The following DDX43 variants were observed in gnomAD, a reference collection of about 807,000 sequenced individuals.
DDX43 encodes probable ATP-dependent RNA helicase DDX43.
Under a neutral mutation model 84.9 loss-of-function variants are expected in DDX43, and 50 were observed. That is an observed-to-expected ratio of 0.59 (90% CI 0.47 to 0.75). DDX43 has a LOEUF of 0.75. Among genes scored for constraint, DDX43 ranks in the 30% least tolerant of loss-of-function variants. DDX43 has a pLI of 0.00. For synonymous variants in DDX43, 291 were observed against 266.3 expected (o/e 1.09, Z -0.90); for missense variants, 689 against 798.6 (o/e 0.86, Z 1.65).
chr6:73,397,233 A>G (rs1243445474), intron 1 of DDX43, among the ~76,000 whole-genome samples: 3 of 152,164 alleles, frequency 2.0e-5, no homozygotes, highest in East Asian at 1.9e-4. Flanking sequence ...TGTTTTTGAT[A>G]ATGGTCATCC....
chr6:73,407,835 T>C, intron 8 of DDX43, 125 bp from the exon 9 acceptor site: 1 of 958,508 alleles, frequency 1.0e-6, no homozygotes, highest in Non-Finnish European at 1.6e-6. Flanking sequence ...TGTACATAAT[T>C]CTCAGAAAGG....
chr6:73,408,877 G>C (rs751448554), intron 9 of DDX43, among the ~76,000 whole-genome samples: 15 of 152,158 alleles, frequency 9.9e-5, no homozygotes, highest in Non-Finnish European at 2.2e-4. Flanking sequence ...TTTTATAATG[G>C]CTGTAGGAAT....
chr6:73,414,838 A>T (rs1769870878), intron 14 of DDX43, 152 bp downstream of exon 14: 1 of 714,358 alleles, frequency 1.4e-6, no homozygotes, highest in African/African-American at 1.8e-5. Flanking sequence ...ATCCCTGTTC[A>T]TTTGGCTTGT....
Position 73,401,965 on chromosome 6 carries a change from G to A in DDX43, c.543G>A (p.Leu181=). 1 of 1,614,038 alleles carries A rather than the reference G, an allele frequency of 6.2e-7. No individual in the cohort carries two copies. The highest frequency in any genetic ancestry group is 8.5e-7 in the Non-Finnish European group (1 of 1,179,988). The part of the protein sequence containing the change: ...IDWDQIREEG[L]KWQKTKWADL... ...GGGATCAAATTAGAGAGGAAGGTTTGAAATGGCAAAAAACAAAGTGGGCAG... is the reference window on the plus strand; with the variant it reads ...GGGATCAAATTAGAGAGGAAGGTTTAAAATGGCAAAAAACAAAGTGGGCAG... The change falls in exon 4 of 17, where the codon TTG becomes TTA. Residue 181 remains leucine (L), a synonymous_variant. Coordinates refer to ENST00000370336, the MANE Select transcript of DDX43 (RefSeq NM_018665.3).
Position 73,394,876 on chromosome 6 carries a change from A to G in DDX43, c.-30A>G, listed in dbSNP as rs762761067. 6.8e-6 allele frequency: 11 copies of G among 1,610,050 alleles called. No homozygotes were observed. Among genetic ancestry groups the G allele is most frequent in the South Asian group, 4.4e-5 (4 of 90,610 alleles). ...TCAGGTGGTGCAGAGCTGGACGGCAACGACGTCGGACGCGCCCCTTCTTGG... is the reference window on the plus strand; with the variant it reads ...TCAGGTGGTGCAGAGCTGGACGGCAGCGACGTCGGACGCGCCCCTTCTTGG... On this transcript the variant is annotated 5_prime_UTR_variant, in exon 1 of 17. Transcript: ENST00000370336.
chr6:73,411,492 C>T (rs558097159), intron 10 of DDX43, among the ~76,000 whole-genome samples: 1 of 151,710 alleles, frequency 6.6e-6, no homozygotes, highest in Non-Finnish European at 1.5e-5. Flanking sequence ...CCACGCCTGA[C>T]TTATTTTTGT....
intron 11 of DDX43, among the ~76,000 whole-genome samples, chr6:73,412,944 G>T (rs372434836): frequency 1.3e-5 from 2 of 152,154 alleles, no homozygotes; most frequent in African/African-American, 2.4e-5. Flanking sequence ...GGCCAGGCTG[G>T]TCTCAAACTC....
intron 1 of DDX43, 140 bp from the exon 2 acceptor site, chr6:73,397,549 C>G (rs1769495298): frequency 1.5e-6 from 1 of 685,304 alleles, no homozygotes; most frequent in East Asian, 3.0e-5. Flanking sequence ...TTACTTCCCT[C>G]TTTCCAAACA....
intron 3 of DDX43, among the ~76,000 whole-genome samples, chr6:73,401,092 C>T (rs1307522261): frequency 5.3e-5 from 8 of 152,126 alleles, no homozygotes; most frequent in South Asian, 2.1e-4. Flanking sequence ...ATTCTCCCAC[C>T]TCAGCCTGTC....
At chr6:73,397,297 T>A (rs1769491350) in intron 1 of DDX43, among the ~76,000 whole-genome samples, 1 of 152,228 alleles carries the variant, frequency 6.6e-6, no homozygotes, top group African/African-American at 2.4e-5. Flanking sequence ...TGGACCTGAT[T>A]AGTGATGTTG....
At chr6:73,399,670 A>G (rs1769531702) in intron 2 of DDX43, among the ~76,000 whole-genome samples, 1 of 152,216 alleles carries the variant, frequency 6.6e-6, no homozygotes, top group South Asian at 2.1e-4. Context: ...GGTATTTGAA[A>G]TTATGGATGT....
At chr6:73,411,571 C>A (rs977872625) in intron 10 of DDX43, among the ~76,000 whole-genome samples, 1 of 152,004 alleles carries the variant, frequency 6.6e-6, no homozygotes, top group South Asian at 2.1e-4. Flanking sequence ...TCAAGTGATC[C>A]GCCTCTCCTC....
At chr6:73,408,463 T>G (rs1346488002) in intron 9 of DDX43, among the ~76,000 whole-genome samples, 1 of 152,134 alleles carries the variant, frequency 6.6e-6, no homozygotes, top group Non-Finnish European at 1.5e-5. Flanking sequence ...ACTATTATTT[T>G]ATTTCTCTTC....
intron 4 of DDX43, among the ~76,000 whole-genome samples, chr6:73,402,968 C>T (rs566843570): frequency 5.3e-5 from 8 of 152,270 alleles, no homozygotes; most frequent in African/African-American, 1.9e-4. Flanking sequence ...CCTTGGCTCT[C>T]GGGAGGAGGC....
At chr6:73,395,779 CTTAATCAGTCT>C (rs1769459656) in intron 1 of DDX43, among the ~76,000 whole-genome samples, 1 of 152,008 alleles carries the variant, frequency 6.6e-6, no homozygotes, top group Non-Finnish European at 1.5e-5. Context: ...AAAAACAAAA[CTTAATCAGTCT>C]TTCTATGAGT....
chr6:73,412,654 TGTGTGTGTGTGTGTGCGCGCGCGC>T (rs985448060), intron 11 of DDX43, among the ~76,000 whole-genome samples: 2 of 87,406 alleles, frequency 2.3e-5, no homozygotes, highest in African/African-American at 8.2e-5. Context: ...TGTGTGTGTG[TGTGTGTGTGTGTGTGCGCGCGCGC>T]GTGTGTGTGT....
At position 73,409,285 on chromosome 6, in the gene DDX43, T is replaced by A. The variant is rs75372504; in HGVS notation, c.1217T>A (p.Phe406Tyr). The A allele has an allele frequency of 1.2e-6, 2 of 1,614,184 alleles. No homozygotes were observed. Among genetic ancestry groups the A allele is most frequent in the African/African-American group, 1.3e-5 (1 of 75,068 alleles). Residue 406 changes from phenylalanine (F) to tyrosine (Y), a missense_variant, in exon 10 of 17, where the codon TTT becomes TAT. Physicochemically the swap from Phe to Tyr is conservative, Grantham distance 22. This residue lies in a region of DDX43 where 552 missense variants were observed against 692.7 expected (regional missense o/e 0.80). Transcript: ENST00000370336. ...DEADKMLDMG[F>Y]EPQIMKILLD... ...GCAGACAAGATGTTGGACATGGGAT[T>A]TGAACCCCAGATAATGAAGATTTTG... is the stretch of plus-strand genomic sequence containing the variant.
At chr6:73,398,267 T>G (rs1769509443) in intron 2 of DDX43, among the ~76,000 whole-genome samples, 1 of 152,098 alleles carries the variant, frequency 6.6e-6, no homozygotes, top group Non-Finnish European at 1.5e-5. Context: ...TTTTTATTTT[T>G]TTGAGACAGA....
chr6:73,397,559 A>T (rs1769495404), intron 1 of DDX43, 130 bp from the exon 2 acceptor site: 1 of 742,102 alleles, frequency 1.3e-6, no homozygotes, highest in Admixed American at 2.6e-5. Context: ...CTTTCCAAAC[A>T]AAAAATGATT....
Sources: allele counts gnomAD v4.1 joint callset (sites outside exome capture counted in the v4.1 genomes callset), GRCh38; gene constraint gnomAD v4.1.1; regional missense constraint gnomAD v4.1.1; transcripts MANE v1.5; gene names NCBI Gene and HGNC (gene_info 2026-07-23, HGNC 2026-07-21).